Variants in TMEM131L observed in about 807,000 individuals in gnomAD.
TMEM131L encodes the protein transmembrane protein 131-like.
TMEM131L carries 54 observed loss-of-function variants against 192.2 expected under a neutral mutation model. The ratio of observed to expected loss-of-function variants is 0.28; its 90% CI spans 0.23 to 0.35. The LOEUF (loss-of-function observed/expected upper bound fraction) is 0.35, where lower values mean the gene tolerates loss of function less well. Ranked by LOEUF, TMEM131L falls within the 10% of genes least tolerant of loss-of-function variation. The pLI, the probability that TMEM131L is intolerant of heterozygous loss-of-function variation, is 1.00. For missense variants in TMEM131L, 1,888 were observed against 1,972.9 expected (o/e 0.96, Z 0.82); for synonymous variants, 701 against 704.9 (o/e 0.99, Z 0.09).
At chr4:153,492,080 C>A (rs527405328) in intron 3 of TMEM131L, among the ~76,000 whole-genome samples, 1 of 152,102 alleles carries the variant, frequency 6.6e-6, no homozygotes, top group East Asian at 1.9e-4. Flanking sequence ...TAGCTCGCTG[C>A]AACCTTGAAA....
At chr4:153,478,763 T>C (rs964858675) in intron 3 of TMEM131L, among the ~76,000 whole-genome samples, 1 of 152,258 alleles carries the variant, frequency 6.6e-6, no homozygotes, top group Non-Finnish European at 1.5e-5. Context: ...CCCTGCTGTT[T>C]TAATGTCATT....
Position 153,555,749 on chromosome 4 carries a change from C to T in TMEM131L, c.309-38C>T. ...ATATGTATGGTAATATTTATAACCACACAATACATTGATTTTTCTCTTTGT... is the reference window on the plus strand; with the variant it reads ...ATATGTATGGTAATATTTATAACCATACAATACATTGATTTTTCTCTTTGT... On this transcript the variant is annotated intron_variant, in intron 4 of 34. Transcript: ENST00000409959. The surrounding 1 kb of genome is among the most constrained non-coding windows in gnomAD (Gnocchi z 4.1). The T allele has an allele frequency of 6.6e-7, 1 of 1,525,940 alleles. No individual in the cohort carries two copies. The highest frequency in any genetic ancestry group is 1.2e-5 in the South Asian group (1 of 83,214). The allele number at this position is 1,525,940 out of a possible 1,614,324, so 94.5% of individuals were successfully genotyped here.
chr4:153,523,073 A>G (rs895655990), intron 3 of TMEM131L, among the ~76,000 whole-genome samples: 1 of 152,224 alleles, frequency 6.6e-6, no homozygotes, highest in Non-Finnish European at 1.5e-5. Context: ...CTAATCATCA[A>G]CGTACTGTGT....
rs77388350 is a variant in TMEM131L, at chr4:153,623,912, T to A, written c.4045+829T>A. ...TTTGCCATATTTGCTTTTTTTTTTTTAAATCATCTGTTCACTTCTCCCTTC... is the reference window on the plus strand; with the variant it reads ...TTTGCCATATTTGCTTTTTTTTTTTAAAATCATCTGTTCACTTCTCCCTTC... On this transcript the variant is annotated intron_variant, in intron 29 of 34. Coordinates refer to ENST00000409959, the MANE Select transcript of TMEM131L (RefSeq NM_001131007.2). Among the ~76,000 whole-genome samples, 397 of 151,930 alleles carry A rather than the reference T, an allele frequency of 2.6e-3. 1 individual carries two copies. The highest frequency in any genetic ancestry group is 0.014 in the Middle Eastern group (4 of 292).
chr4:153,564,287 CAAAAAA>C (rs1178320668), intron 7 of TMEM131L, among the ~76,000 whole-genome samples: 15 of 17,652 alleles, frequency 8.5e-4, no homozygotes, highest in Non-Finnish European at 2.3e-3. Flanking sequence ...AACTCCGTCT[CAAAAAA>C]AAAAAAAAAA....
At chr4:153,532,470 G>A (rs1735972605) in intron 3 of TMEM131L, among the ~76,000 whole-genome samples, 1 of 151,298 alleles carries the variant, frequency 6.6e-6, no homozygotes, top group African/African-American at 2.4e-5. Flanking sequence ...GCTTTATTGA[G>A]ATACAATTCA....
chr4:153,636,579 A>G lies in TMEM131L; in HGVS notation c.*3A>G. ...CGAGTTACTGTGGGAATGTGTGAAA[A>G]TAATTGGATTTTTAAACAATGTGAA... On this transcript the variant is annotated 3_prime_UTR_variant, in exon 35 of 35. Coordinates refer to ENST00000409959, the MANE Select transcript of TMEM131L (RefSeq NM_001131007.2). 6.2e-7 allele frequency: 1 copy of G among 1,607,864 alleles called. No individual in the cohort carries two copies. Among genetic ancestry groups the G allele is most frequent in the Non-Finnish European group, 8.5e-7 (1 of 1,175,056 alleles).
At chr4:153,488,827 G>A (rs1008256231) in intron 3 of TMEM131L, among the ~76,000 whole-genome samples, 12 of 152,140 alleles carry the variant, frequency 7.9e-5, no homozygotes, top group African/African-American at 2.7e-4. Flanking sequence ...GTCCGCCCTC[G>A]CCTTTTCCTA....
At chr4:153,577,570 A>G (rs147268062) in intron 7 of TMEM131L, among the ~76,000 whole-genome samples, 1,526 of 152,310 alleles carry the variant, frequency 0.01, 35 homozygotes, top group African/African-American at 0.034. Context: ...CTGTGTTCCA[A>G]TAAAACTTTG....
chr4:153,636,128 A>G (rs1466554834), intron 34 of TMEM131L, among the ~76,000 whole-genome samples, 173 bp from the exon 35 acceptor site: 1 of 152,198 alleles, frequency 6.6e-6, no homozygotes, highest in Non-Finnish European at 1.5e-5. Flanking sequence ...TGAGGATTTC[A>G]CAATCCTCCC....
At chr4:153,552,925 CTTGTG>C (rs1022840118) in intron 4 of TMEM131L, among the ~76,000 whole-genome samples, 8 of 147,182 alleles carry the variant, frequency 5.4e-5, no homozygotes, top group African/African-American at 1.5e-4. Flanking sequence ...TCTCTTTTTT[CTTGTG>C]TTGTTATTTT....
chr4:153,627,010 T>C (rs1246431836), intron 30 of TMEM131L, among the ~76,000 whole-genome samples: 1 of 151,448 alleles, frequency 6.6e-6, no homozygotes, highest in African/African-American at 2.4e-5. Flanking sequence ...AGGAGGAGAG[T>C]TCAGTGTGAG....
Position 153,586,344 on chromosome 4 carries a change from G to A in TMEM131L, c.1447G>A (p.Ala483Thr). The A allele has an allele frequency of 6.2e-7, 1 of 1,604,156 alleles. No individual in the cohort carries two copies. Among genetic ancestry groups the A allele is most frequent in the Non-Finnish European group, 8.5e-7 (1 of 1,176,630 alleles). ...GACTACAAACATAGGTGCCATTTTT[G>A]CAATACCTCTACAGATTTATTCAGC... ...FLTTNIGAIF[A>T]IPLQIYSAPT... The change falls in exon 14 of 35, where the codon GCA (alanine) becomes ACA (threonine). Residue 483 changes from alanine to threonine, a missense_variant. By Grantham distance (58) the Ala-to-Thr change is moderately conservative (BLOSUM62 0). Transcript: ENST00000409959.
At chr4:153,504,689 C>G (rs993069057) in intron 3 of TMEM131L, among the ~76,000 whole-genome samples, 11 of 152,220 alleles carry the variant, frequency 7.2e-5, no homozygotes, top group African/African-American at 2.6e-4. Flanking sequence ...TTCACTTACC[C>G]TGTAGAATTA....
At chr4:153,516,148 G>A (rs1185452028) in intron 3 of TMEM131L, among the ~76,000 whole-genome samples, 1 of 152,116 alleles carries the variant, frequency 6.6e-6, no homozygotes, top group Non-Finnish European at 1.5e-5. Context: ...AATTTTGTAA[G>A]TTGCTTTTTA....
At chr4:153,474,599 G>A (rs1392762909) in intron 3 of TMEM131L, among the ~76,000 whole-genome samples, 1 of 152,038 alleles carries the variant, frequency 6.6e-6, no homozygotes, top group Admixed American at 6.6e-5. Context: ...TTTAACCAGG[G>A]GACTGGAATA....
chr4:153,606,358 A>G (rs1039078565), intron 25 of TMEM131L, among the ~76,000 whole-genome samples: 4 of 152,224 alleles, frequency 2.6e-5, no homozygotes, highest in African/African-American at 9.6e-5. Context: ...GCTTGTGCCC[A>G]CAAGAGATAT....
chr4:153,503,227 T>C (rs1273299627), intron 3 of TMEM131L, among the ~76,000 whole-genome samples: 5 of 152,244 alleles, frequency 3.3e-5, no homozygotes, highest in Non-Finnish European at 1.5e-5. Flanking sequence ...AACTTTCTCA[T>C]TTAATTCACT....
At chr4:153,535,611 T>C (rs1008647318) in intron 3 of TMEM131L, among the ~76,000 whole-genome samples, 4 of 152,146 alleles carry the variant, frequency 2.6e-5, no homozygotes, top group African/African-American at 9.7e-5. Context: ...AATTTATTAA[T>C]GTGGAAATAT....
Sources: gnomAD v4.1 joint callset for allele counts (sites outside exome capture counted in the v4.1 genomes callset) on GRCh38, gnomAD v4.1.1 for gene constraint, Gnocchi (gnomAD v3.1) non-coding constraint, MANE v1.5 for transcripts, NCBI Gene and HGNC (gene_info 2026-07-23, HGNC 2026-07-21) for gene names.